Variants in RGS6 observed in about 807,000 individuals in gnomAD.
The protein encoded by RGS6 is regulator of G-protein signaling 6.
RGS6 carries 30 observed loss-of-function variants against 78.5 expected under a neutral mutation model. That is an observed-to-expected ratio of 0.38 (90% CI 0.29 to 0.52). The LOEUF (loss-of-function observed/expected upper bound fraction) is 0.52, where lower values mean the gene tolerates loss of function less well. RGS6 is among the 20% of genes least tolerant of loss of function. RGS6 has a pLI of 0.85. For missense variants in RGS6, 495 were observed against 609.7 expected (o/e 0.81, Z 1.98); for synonymous variants, 206 against 206.0 (o/e 1.00, Z 0.00).
At chr14:72,034,817 T>C (rs1596377412) in intron 2 of RGS6, among the ~76,000 whole-genome samples, 1 of 152,218 alleles carries the variant, frequency 6.6e-6, no homozygotes, top group African/African-American at 2.4e-5. Flanking sequence ...TGGGAGGTTT[T>C]TGATTACTTA....
chr14:72,342,408 A>G (rs1174751435), intron 2 of RGS6, among the ~76,000 whole-genome samples: 2 of 152,018 alleles, frequency 1.3e-5, no homozygotes, highest in South Asian at 4.2e-4. Flanking sequence ...TCTCCCAAAA[A>G]TACAAAACTT....
chr14:72,323,211 A>G (rs1006054523), intron 2 of RGS6, among the ~76,000 whole-genome samples: 1 of 152,184 alleles, frequency 6.6e-6, no homozygotes, highest in Non-Finnish European at 1.5e-5. Flanking sequence ...CAAAAATACT[A>G]CTCATGTTAA....
intron 2 of RGS6, among the ~76,000 whole-genome samples, chr14:72,307,817 A>G (rs2067603663): frequency 6.6e-6 from 1 of 152,188 alleles, no homozygotes; most frequent in Non-Finnish European, 1.5e-5. Flanking sequence ...GAAGAATTGA[A>G]TCTTTAAAAT....
At chr14:72,230,900 G>A (rs983604834) in intron 2 of RGS6, among the ~76,000 whole-genome samples, 9 of 152,128 alleles carry the variant, frequency 5.9e-5, no homozygotes, top group Non-Finnish European at 8.8e-5. Flanking sequence ...ACTGGGTACC[G>A]TAGCCTTGCC....
intron 2 of RGS6, among the ~76,000 whole-genome samples, chr14:72,213,661 G>A (rs1219202101): frequency 6.6e-6 from 1 of 152,108 alleles, no homozygotes; most frequent in African/African-American, 2.4e-5. Context: ...TTGTTCAGCT[G>A]TCACATCATC....
At chr14:72,318,073 C>T (rs1317828405) in intron 2 of RGS6, among the ~76,000 whole-genome samples, 8 of 152,184 alleles carry the variant, frequency 5.3e-5, no homozygotes, top group Admixed American at 2.0e-4. Flanking sequence ...CCCAACACCC[C>T]ATTTTACACA....
chr14:71,895,955 C>T, the RGS6 span, among the ~76,000 whole-genome samples: 5 of 152,086 alleles, frequency 3.3e-5, no homozygotes, highest in African/African-American at 1.2e-4. Context: ...CAGTCTCCTG[C>T]TGGTGCTTCT....
At chr14:72,050,973 C>T (rs1229868671) in intron 2 of RGS6, among the ~76,000 whole-genome samples, 1 of 152,068 alleles carries the variant, frequency 6.6e-6, no homozygotes, top group African/African-American at 2.4e-5. Context: ...CAGCCTTGTG[C>T]TTTTCATACT....
intron 2 of RGS6, among the ~76,000 whole-genome samples, chr14:72,068,050 CTGATGGGGGGATACTT>C (rs1269002458): frequency 6.6e-6 from 1 of 152,026 alleles, no homozygotes; most frequent in Admixed American, 6.5e-5. Context: ...AAGGGAAATG[CTGATGGGGGGATACTT>C]TAGTTGTTTA....
upstream of RGS6, among the ~76,000 whole-genome samples, chr14:71,929,567 TG>T (rs1159137304): frequency 6.6e-6 from 1 of 152,230 alleles, no homozygotes; most frequent in Non-Finnish European, 1.5e-5. Context: ...ATAAGTATGC[TG>T]TACTTATTAA....
At chr14:72,429,818 G>A (rs900425488) in intron 3 of RGS6, among the ~76,000 whole-genome samples, 1 of 152,126 alleles carries the variant, frequency 6.6e-6, no homozygotes, top group African/African-American at 2.4e-5. Context: ...TTGTGACAAG[G>A]GAGAGACCAG....
chr14:72,272,764 A>G (rs1484083867), intron 2 of RGS6, among the ~76,000 whole-genome samples: 6 of 152,224 alleles, frequency 3.9e-5, no homozygotes, highest in Admixed American at 3.9e-4. Flanking sequence ...AGGTAAATGA[A>G]TTAGATGAAT....
chr14:72,014,408 T>A (rs1349245217), intron 2 of RGS6, among the ~76,000 whole-genome samples: 1 of 152,224 alleles, frequency 6.6e-6, no homozygotes. Flanking sequence ...CTTTAAAGCA[T>A]GTGGCACATT....
intron 3 of RGS6, among the ~76,000 whole-genome samples, chr14:72,359,104 G>A (rs907998170): frequency 6.6e-6 from 1 of 152,104 alleles, no homozygotes; most frequent in Non-Finnish European, 1.5e-5. Context: ...TTTCCTTTCT[G>A]CCATGATTGT....
chr14:72,284,958 G>A (rs967566745), intron 2 of RGS6, among the ~76,000 whole-genome samples: 1 of 152,176 alleles, frequency 6.6e-6, no homozygotes, highest in Non-Finnish European at 1.5e-5. Context: ...CTGGATTTTG[G>A]ACTTGGATGG....
At chr14:72,071,712 A>G (rs1400419047) in intron 2 of RGS6, among the ~76,000 whole-genome samples, 1 of 152,232 alleles carries the variant, frequency 6.6e-6, no homozygotes, top group Non-Finnish European at 1.5e-5. Context: ...TACTTATGCA[A>G]TACTCTAGTA....
intron 17 of RGS6, chr14:72,547,361 C>T (rs2097422486): frequency 6.5e-7 from 1 of 1,533,872 alleles, no homozygotes; most frequent in Admixed American, 2.0e-5. Flanking sequence ...ACTTCAAAGG[C>T]TAAGAAGTAA....
chr14:71,906,947 C>A, the RGS6 span, among the ~76,000 whole-genome samples: 2 of 152,204 alleles, frequency 1.3e-5, no homozygotes, highest in Non-Finnish European at 2.9e-5. Context: ...GGGGCCTAGA[C>A]TGAGGTAGAG....
At chr14:72,520,964 C>G (rs1300923918) in intron 15 of RGS6, among the ~76,000 whole-genome samples, 2 of 152,170 alleles carry the variant, frequency 1.3e-5, no homozygotes, top group African/African-American at 4.8e-5. Context: ...ATCCCTGATT[C>G]CTCTTAGTGA....
Sources: allele counts gnomAD v4.1 joint callset (sites outside exome capture counted in the v4.1 genomes callset), GRCh38; gene constraint gnomAD v4.1.1; transcripts MANE v1.5; gene names NCBI Gene and HGNC (gene_info 2026-07-23, HGNC 2026-07-21).